ZFHX3: variants seen among roughly 807,000 people sequenced by gnomAD.
ZFHX3 encodes zinc finger homeobox protein 3.
Under a neutral mutation model 279.1 loss-of-function variants are expected in ZFHX3, and 42 were observed. The ratio of observed to expected loss-of-function variants is 0.15; its 90% CI spans 0.12 to 0.19. ZFHX3 has a LOEUF of 0.19. Among genes scored for constraint, ZFHX3 ranks in the 10% least tolerant of loss-of-function variants. The pLI, the probability that ZFHX3 is intolerant of heterozygous loss-of-function variation, is 1.00. For synonymous variants in ZFHX3, 2,293 were observed against 1,957.8 expected (o/e 1.17, Z -4.52); for missense variants, 4,981 against 4,754.0 (o/e 1.05, Z -1.40).
At chr16:73,756,984 G>A (rs188802752) in intron 1 of ZFHX3, among the ~76,000 whole-genome samples, 26 of 152,166 alleles carry the variant, frequency 1.7e-4, no homozygotes, top group African/African-American at 4.8e-4. Context: ...AAATCCAATC[G>A]TAAGAGTGCA....
At chr16:73,337,891 G>C (rs62057273) in intron 3 of ZFHX3, among the ~76,000 whole-genome samples, 11,087 of 107,484 alleles carry the variant, frequency 0.1, 1,219 homozygotes, top group Middle Eastern at 0.17. Context: ...TCTTCCCTTG[G>C]CGGGGGGGGG....
intron 1 of ZFHX3, among the ~76,000 whole-genome samples, chr16:73,700,519 C>G (rs1480703389): frequency 1.2e-4 from 19 of 152,132 alleles, no homozygotes; most frequent in Admixed American, 1.2e-3. Context: ...ATGTTATTTT[C>G]TTAATACACC....
At chr16:73,292,804 C>G (rs1409705546) in intron 4 of ZFHX3, among the ~76,000 whole-genome samples, 1 of 152,110 alleles carries the variant, frequency 6.6e-6, no homozygotes, top group Non-Finnish European at 1.5e-5. Context: ...AGGCTTGATT[C>G]CAAGACACAT....
intron 5 of ZFHX3, among the ~76,000 whole-genome samples, chr16:73,218,985 C>T (rs905039407): frequency 6.6e-6 from 1 of 152,172 alleles, no homozygotes; most frequent in African/African-American, 2.4e-5. Flanking sequence ...CACCACAAAT[C>T]AACTCTCTGA....
At chr16:73,033,665 T>G (rs1964791409) in intron 1 of ZFHX3, among the ~76,000 whole-genome samples, 1 of 152,150 alleles carries the variant, frequency 6.6e-6, no homozygotes, top group South Asian at 2.1e-4. Flanking sequence ...ACAGTTTTTT[T>G]CCTGCCTGCC....
chr16:73,342,965 T>C (rs963796960), intron 3 of ZFHX3, among the ~76,000 whole-genome samples: 2 of 152,166 alleles, frequency 1.3e-5, no homozygotes, highest in Non-Finnish European at 1.5e-5. Context: ...GTCTAAATAC[T>C]AAACAAAATA....
intron 2 of ZFHX3, among the ~76,000 whole-genome samples, chr16:73,516,697 T>C (rs959176316): frequency 1.1e-4 from 16 of 152,308 alleles, no homozygotes; most frequent in African/African-American, 3.1e-4. Context: ...TCGTTCTCCA[T>C]TGATTTTCAT....
intron 5 of ZFHX3, among the ~76,000 whole-genome samples, chr16:73,169,987 A>G (rs1398014049): frequency 6.6e-6 from 1 of 152,098 alleles, no homozygotes; most frequent in Non-Finnish European, 1.5e-5. Context: ...TATCCATTGA[A>G]TGTCTGTCTC....
intron 1 of ZFHX3, among the ~76,000 whole-genome samples, chr16:73,819,469 T>G (rs1262327855): frequency 6.6e-6 from 1 of 152,058 alleles, no homozygotes; most frequent in East Asian, 1.9e-4. Context: ...AGATTTTGTA[T>G]CAGGCCTTTC....
At chr16:73,171,731 T>C (rs1208205676) in intron 5 of ZFHX3, among the ~76,000 whole-genome samples, 1 of 152,182 alleles carries the variant, frequency 6.6e-6, no homozygotes, top group Non-Finnish European at 1.5e-5. Context: ...CCTACATATT[T>C]TACTAACTCT....
intron 1 of ZFHX3, among the ~76,000 whole-genome samples, chr16:73,693,484 G>A (rs1361823096): frequency 1.3e-5 from 2 of 151,930 alleles, no homozygotes; most frequent in South Asian, 2.1e-4. Flanking sequence ...AAGTGTTCCC[G>A]GATAGCTCCC....
At chr16:73,113,422 T>C (rs1966400174) in intron 7 of ZFHX3, among the ~76,000 whole-genome samples, 1 of 152,188 alleles carries the variant, frequency 6.6e-6, no homozygotes, top group Non-Finnish European at 1.5e-5. Context: ...AAGCTGCCTC[T>C]AAGAAATTAA....
intron 2 of ZFHX3, among the ~76,000 whole-genome samples, chr16:73,627,159 G>A (rs1315120381): frequency 1.3e-5 from 2 of 152,154 alleles, no homozygotes; most frequent in Admixed American, 6.5e-5. Flanking sequence ...TTTCACTAAA[G>A]GGTAAAGGGC....
intron 3 of ZFHX3, chr16:73,388,969 TTTTG>T (rs1195324209): frequency 1.3e-5 from 2 of 152,092 alleles, no homozygotes; most frequent in Non-Finnish European, 2.9e-5. Context: ...GTCTTAGAGG[TTTTG>T]TTTCTCTGCA....
intron 1 of ZFHX3, among the ~76,000 whole-genome samples, chr16:73,791,435 A>AT (rs1273906247): frequency 2.0e-5 from 3 of 150,846 alleles, no homozygotes; most frequent in East Asian, 2.0e-4. Flanking sequence ...TCATTTTTTA[A>AT]TTTTTTTTGA....
chr16:73,016,585 A>C (rs938880058), intron 1 of ZFHX3, among the ~76,000 whole-genome samples: 1 of 152,114 alleles, frequency 6.6e-6, no homozygotes, highest in African/African-American at 2.4e-5. Context: ...ATGCCTCTCA[A>C]AATAATAATA....
chr16:73,749,979 G>C (rs1168497510), intron 1 of ZFHX3, among the ~76,000 whole-genome samples: 4 of 152,186 alleles, frequency 2.6e-5, no homozygotes, highest in South Asian at 2.1e-4. Flanking sequence ...AAACAGGCTA[G>C]TGCCTGAGTG....
chr16:73,085,168 A>G (rs1210079545), intron 8 of ZFHX3, among the ~76,000 whole-genome samples: 1 of 152,258 alleles, frequency 6.6e-6, no homozygotes, highest in Non-Finnish European at 1.5e-5. Flanking sequence ...CCAAAACAGC[A>G]TGGTACTAGC....
At chr16:73,389,646 C>T (rs1386041527) in intron 3 of ZFHX3, among the ~76,000 whole-genome samples, 1 of 152,192 alleles carries the variant, frequency 6.6e-6, no homozygotes, top group East Asian at 1.9e-4. Context: ...TGTGATGTTT[C>T]CCAACAGCTC....
Sources: allele counts gnomAD v4.1 joint callset (sites outside exome capture counted in the v4.1 genomes callset), GRCh38; gene constraint gnomAD v4.1.1; transcripts MANE v1.5; gene names NCBI Gene and HGNC (gene_info 2026-07-23, HGNC 2026-07-21).